Variants in RIMBP2 observed in about 807,000 individuals in gnomAD.
The protein encoded by RIMBP2 is RIMS binding protein 2, also known as RIMS-binding protein 2.
Under a neutral mutation model 118.6 loss-of-function variants are expected in RIMBP2, and 48 were observed. That is an observed-to-expected ratio of 0.40 (90% CI 0.32 to 0.51). RIMBP2 has a LOEUF of 0.51. RIMBP2 is among the 20% of genes least tolerant of loss of function. RIMBP2 has a pLI of 0.41. For missense variants in RIMBP2, 1,551 were observed against 1,768.3 expected (o/e 0.88, Z 2.20); for synonymous variants, 762 against 742.9 (o/e 1.03, Z -0.42).
chr12:130,687,100 T>C (rs981410028), intron 1 of RIMBP2, among the ~76,000 whole-genome samples: 1 of 152,302 alleles, frequency 6.6e-6, no homozygotes, highest in Admixed American at 6.5e-5. Context: ...TTATAGCTTT[T>C]TTCAGGTCAG....
chr12:130,661,344 GGTAATTAACTA>G lies in RIMBP2; in HGVS notation c.-351-32899_-351-32889del, dbSNP rs146188793. Among the ~76,000 whole-genome samples, 122 of 152,234 alleles carry G rather than the reference GGTAATTAACTA, an allele frequency of 8.0e-4. No individual in the cohort carries two copies. In the East Asian group the frequency reaches 0.023, roughly 28 times the overall value. ...CAGGGCTAGACAGGTGAGCTGAGCT[GGTAATTAACTA>G]GTAATTAACTAGCCTCAGCATTGTT... On this transcript the variant is annotated intron_variant, in intron 1 of 22. Coordinates refer to ENST00000690449, the MANE Select transcript of RIMBP2 (RefSeq NM_001393629.1).
intron 1 of RIMBP2, among the ~76,000 whole-genome samples, chr12:130,644,193 G>A (rs866292988): frequency 6.6e-6 from 1 of 152,190 alleles, no homozygotes; most frequent in Non-Finnish European, 1.5e-5. Context: ...AAGTGGAGAG[G>A]CAGACTCCCT....
chr12:130,501,474 G>C (rs1488717787), intron 4 of RIMBP2, among the ~76,000 whole-genome samples: 1 of 152,158 alleles, frequency 6.6e-6, no homozygotes, highest in Admixed American at 6.5e-5. Context: ...AGCTAAATTA[G>C]GTCCCAGGTA....
chr12:130,638,810 G>GA (rs534624306), intron 1 of RIMBP2, among the ~76,000 whole-genome samples: 38 of 152,188 alleles, frequency 2.5e-4, no homozygotes, highest in Non-Finnish European at 4.3e-4. Context: ...AGCAGGGAGG[G>GA]AATAACAGGT....
At chr12:130,402,123 A>G (rs2074652953) in intron 21 of RIMBP2, among the ~76,000 whole-genome samples, 1 of 152,038 alleles carries the variant, frequency 6.6e-6, no homozygotes, top group East Asian at 1.9e-4. Flanking sequence ...TCCCTTCCCC[A>G]TGTCTGATGC....
chr12:130,472,605 A>T (rs1263716985), intron 5 of RIMBP2, among the ~76,000 whole-genome samples: 1 of 152,236 alleles, frequency 6.6e-6, no homozygotes, highest in African/African-American at 2.4e-5. Context: ...CTGCCTGGAG[A>T]ATAATTAGTG....
intron 2 of RIMBP2, among the ~76,000 whole-genome samples, chr12:130,567,049 T>A (rs890756941): frequency 1.3e-5 from 2 of 151,940 alleles, no homozygotes; most frequent in African/African-American, 4.8e-5. Flanking sequence ...ATAGCGAAGA[T>A]GAAAGAGGTG....
In RIMBP2 at chr12:130,517,820, T is replaced by C; in HGVS notation, c.-127+8A>G. 1 of 982,484 alleles carries C rather than the reference T, an allele frequency of 1.0e-6. No homozygotes were observed. The highest frequency in any genetic ancestry group is 1.2e-6 in the Non-Finnish European group (1 of 826,878). 60.9% of individuals were successfully genotyped at this position (982,484 alleles called of 1,614,324 possible). A position where few individuals can be genotyped will look rare whatever the true frequency, so the allele number is the denominator to read the frequency against. Reference sequence around the variant, plus strand: ...CCCAGATGGTCTGTGGACAGTGGTATCAGCTACCTTGTCATGCTGCCGGGC... The same window carrying C: ...CCCAGATGGTCTGTGGACAGTGGTACCAGCTACCTTGTCATGCTGCCGGGC... On this transcript the variant is annotated splice_region_variant and intron_variant, in intron 3 of 22. Transcript: ENST00000690449.
chr12:130,597,480 A>T (rs2059627620), intron 2 of RIMBP2, among the ~76,000 whole-genome samples: 1 of 152,220 alleles, frequency 6.6e-6, no homozygotes, highest in Non-Finnish European at 1.5e-5. Flanking sequence ...CTGAACCATG[A>T]TCCGCCTGCC....
Position 130,688,310 on chromosome 12 carries a change from C to A in RIMBP2, c.-352+27912G>T, listed in dbSNP as rs765416151. 6.6e-6 allele frequency among the ~76,000 whole-genome samples: 1 copy of A among 152,188 alleles called. No homozygotes were observed. Among genetic ancestry groups the A allele is most frequent in the African/African-American group, 2.4e-5 (1 of 41,460 alleles). On this transcript the variant is annotated intron_variant, in intron 1 of 22. Coordinates refer to ENST00000690449, the MANE Select transcript of RIMBP2 (RefSeq NM_001393629.1). This position sits in a 1 kb window ranked among gnomAD's most constrained non-coding sequence, Gnocchi z 4.7. ...CTGTTTCTGAACTCCTCACCTCCAG[C>A]CTTTCTAGCCTCACTAGCCTCCCAA...
chr12:130,598,774 A>T (rs2059699828), intron 2 of RIMBP2, among the ~76,000 whole-genome samples: 1 of 152,200 alleles, frequency 6.6e-6, no homozygotes. Flanking sequence ...CTTACTATAA[A>T]GCCACAGTAA....
At chr12:130,676,394 G>A (rs536246971) in intron 1 of RIMBP2, among the ~76,000 whole-genome samples, 4 of 151,008 alleles carry the variant, frequency 2.6e-5, no homozygotes, top group Non-Finnish European at 5.9e-5. Flanking sequence ...GGAGGCCAAG[G>A]CGGGCAGATC....
intron 2 of RIMBP2, among the ~76,000 whole-genome samples, chr12:130,526,733 AAT>A (rs1217209729): frequency 6.6e-6 from 1 of 152,240 alleles, no homozygotes; most frequent in Non-Finnish European, 1.5e-5. Flanking sequence ...ATATAGTTAT[AAT>A]ATACAAGTCT....
At chr12:130,534,221 A>AGGGTGGTGGGAGGGAGTGGG (rs2053776160) in intron 2 of RIMBP2, among the ~76,000 whole-genome samples, 1 of 49,948 alleles carries the variant, frequency 2.0e-5, no homozygotes, top group Non-Finnish European at 3.8e-5. Context: ...GAACCTTAGA[A>AGGGTGGTGGGAGGGAGTGGG]GGGTGGTGGG....
chr12:130,560,040 G>A (rs2056689785), intron 2 of RIMBP2, among the ~76,000 whole-genome samples: 1 of 152,194 alleles, frequency 6.6e-6, no homozygotes, highest in African/African-American at 2.4e-5. Flanking sequence ...GCAGACAGCT[G>A]GTCAGCGGCA....
At chr12:130,572,332 A>G (rs768653028) in intron 2 of RIMBP2, among the ~76,000 whole-genome samples, 3 of 152,184 alleles carry the variant, frequency 2.0e-5, no homozygotes, top group Non-Finnish European at 2.9e-5. Context: ...ATGCACTCAC[A>G]GTAACCCCAA....
intron 4 of RIMBP2, among the ~76,000 whole-genome samples, chr12:130,481,848 C>T (rs1023708729): frequency 9.9e-5 from 15 of 152,216 alleles, no homozygotes. Context: ...CTCCCCCCGC[C>T]CCGCTGGGCT....
intron 1 of RIMBP2, among the ~76,000 whole-genome samples, chr12:130,695,001 C>A (rs998108826): frequency 6.6e-6 from 1 of 152,218 alleles, no homozygotes; most frequent in African/African-American, 2.4e-5. Flanking sequence ...GATCAGTTTC[C>A]CGTCAGTGTC....
chr12:130,537,812 A>T (rs942898674), intron 2 of RIMBP2, among the ~76,000 whole-genome samples: 1 of 152,212 alleles, frequency 6.6e-6, no homozygotes, highest in African/African-American at 2.4e-5. Context: ...TCTGCCTAGC[A>T]TGGAGAAGTC....
Sources: gnomAD v4.1 joint callset for allele counts (sites outside exome capture counted in the v4.1 genomes callset) on GRCh38, gnomAD v4.1.1 for gene constraint, Gnocchi (gnomAD v3.1) non-coding constraint, MANE v1.5 for transcripts, NCBI Gene and HGNC (gene_info 2026-07-23, HGNC 2026-07-21) for gene names.